The following ALOX5AP variants were observed in gnomAD, a reference collection of about 807,000 sequenced individuals.
ALOX5AP encodes arachidonate 5-lipoxygenase activating protein, also known as arachidonate 5-lipoxygenase-activating protein.
In ALOX5AP, 9 loss-of-function variants were observed where a neutral mutation model predicts 18.5. That is an observed-to-expected ratio of 0.49 (90% CI 0.29 to 0.85). The LOEUF (loss-of-function observed/expected upper bound fraction) is 0.85, where lower values mean the gene tolerates loss of function less well. ALOX5AP is among the 40% of genes least tolerant of loss of function. ALOX5AP has a pLI of 0.08. For synonymous variants in ALOX5AP, 81 were observed against 78.6 expected, an observed-to-expected ratio of 1.03 and a Z score of -0.16; for missense variants, 172 against 202.5, an observed-to-expected ratio of 0.85 and a Z score of 0.91.
intron 1 of ALOX5AP, among the ~76,000 whole-genome samples, chr13:30,716,985 C>T (rs1235612201): frequency 6.6e-6 from 1 of 152,194 alleles, no homozygotes; most frequent in African/African-American, 2.4e-5. Context: ...GGAGTGTTCC[C>T]CACCAGGGAA....
intron 1 of ALOX5AP, 145 bp downstream of exon 1, chr13:30,735,820 A>T: frequency 6.7e-6 from 7 of 1,039,848 alleles, no homozygotes; most frequent in Non-Finnish European, 9.6e-6. Flanking sequence ...TTTTATTTGA[A>T]TGTATAGGGT....
intron 4 of ALOX5AP, among the ~76,000 whole-genome samples, chr13:30,756,844 G>T (rs9315049): frequency 0.3 from 41,564 of 138,622 alleles, 7,886 homozygotes; most frequent in Non-Finnish European, 0.42. Flanking sequence ...AAAAAAAGAT[G>T]CAGACACGAG....
chr13:30,736,282 AAGAG>A (rs149655927), intron 1 of ALOX5AP, among the ~76,000 whole-genome samples: 13 of 149,022 alleles, frequency 8.7e-5, no homozygotes, highest in East Asian at 1.9e-4. Flanking sequence ...ATACTTCAGA[AAGAG>A]AGAGAGAGAG....
At chr13:30,724,306 G>A (rs1951619762) in intron 1 of ALOX5AP, among the ~76,000 whole-genome samples, 1 of 152,184 alleles carries the variant, frequency 6.6e-6, no homozygotes, top group Non-Finnish European at 1.5e-5. Context: ...TCCATTATAA[G>A]AATATACCAC....
chr13:30,762,746 T>C (rs1951952512), intron 4 of ALOX5AP, among the ~76,000 whole-genome samples: 1 of 152,180 alleles, frequency 6.6e-6, no homozygotes, highest in South Asian at 2.1e-4. Flanking sequence ...CGAAGTTAGC[T>C]GTTGGGCTGA....
Position 30,735,591 on chromosome 13 carries a change from G to C in ALOX5AP, c.-15G>C. The stretch of plus-strand genomic sequence containing the variant: ...TGGAGGCAGAGCAGTCCTCTCTGGG[G>C]AGCCTGAAGCAAACATGGATCAAGA... On this transcript the variant is annotated 5_prime_UTR_variant, in exon 1 of 5. Coordinates refer to ENST00000380490, the MANE Select transcript of ALOX5AP (RefSeq NM_001629.4). 6.2e-7 allele frequency: 1 copy of C among 1,614,144 alleles called. No individual in the cohort carries two copies. The highest frequency in any genetic ancestry group is 8.5e-7 in the Non-Finnish European group (1 of 1,180,014).
At chr13:30,747,829 A>G (rs1951821116) in intron 2 of ALOX5AP, among the ~76,000 whole-genome samples, 1 of 152,168 alleles carries the variant, frequency 6.6e-6, no homozygotes, top group Non-Finnish European at 1.5e-5. Flanking sequence ...AGAGTGTATC[A>G]AAACATGTTT....
upstream of ALOX5AP, among the ~76,000 whole-genome samples, chr13:30,732,926 C>T (rs1164657672): frequency 2.0e-5 from 3 of 151,830 alleles, no homozygotes; most frequent in Non-Finnish European, 2.9e-5. Flanking sequence ...GAGGCCGAGG[C>T]GGGCAGATCA....
intron 1 of ALOX5AP, among the ~76,000 whole-genome samples, chr13:30,723,266 G>T (rs562575522): frequency 1.4e-4 from 22 of 152,336 alleles, no homozygotes; most frequent in African/African-American, 5.1e-4. Context: ...CTAATGTGTT[G>T]ATGATTTTTG....
intron 1 of ALOX5AP, 69 bp downstream of exon 1, chr13:30,735,744 G>A: frequency 6.4e-7 from 1 of 1,567,374 alleles, no homozygotes; most frequent in Non-Finnish European, 8.8e-7. Context: ...TTGGAAGTCA[G>A]GCTTAAACAA....
chr13:30,721,238 C>T (rs969092979), intron 1 of ALOX5AP, among the ~76,000 whole-genome samples: 14 of 152,254 alleles, frequency 9.2e-5, no homozygotes, highest in African/African-American at 2.9e-4. Context: ...TGTCTCAATC[C>T]AACTGTCAAA....
chr13:30,739,980 C>T (rs1284278597), intron 1 of ALOX5AP, among the ~76,000 whole-genome samples: 4 of 152,222 alleles, frequency 2.6e-5, no homozygotes, highest in Non-Finnish European at 4.4e-5. Context: ...AGTCCTGGTG[C>T]TGTTCCCTAA....
chr13:30,758,880 T>A (rs1236234374), intron 4 of ALOX5AP, among the ~76,000 whole-genome samples: 3 of 151,992 alleles, frequency 2.0e-5, no homozygotes, highest in African/African-American at 2.4e-5. Flanking sequence ...AGTGGCCTGA[T>A]CTTGGCTCAC....
At chr13:30,757,627 C>G (rs925480976) in intron 4 of ALOX5AP, among the ~76,000 whole-genome samples, 1 of 152,096 alleles carries the variant, frequency 6.6e-6, no homozygotes, top group African/African-American at 2.4e-5. Flanking sequence ...TATCTTACCC[C>G]CTGCAAAGTC....
chr13:30,713,899 A>G, intron 1 of ALOX5AP: 5 of 1,515,170 alleles, frequency 3.3e-6, no homozygotes, highest in Non-Finnish European at 4.4e-6. Context: ...CATGCCTCCT[A>G]CAAATTTGAC....
chr13:30,764,076 C>G lies in ALOX5AP; in HGVS notation c.456C>G (p.Thr152=). Residue 152 remains threonine, a synonymous_variant, in exon 5 of 5, where the codon ACC becomes ACG. Transcript: ENST00000380490. The part of the protein sequence containing the change: ...DFENYIKTIS[T]TISPLLLIP Reference sequence around the variant, plus strand: ...AAAACTACATAAAGACGATCTCCACCACCATCTCCCCTCTACTTCTCATTC... The same window carrying G: ...AAAACTACATAAAGACGATCTCCACGACCATCTCCCCTCTACTTCTCATTC... 6.2e-7 allele frequency: 1 copy of G among 1,614,184 alleles called. No individual in the cohort carries two copies. The highest frequency in any genetic ancestry group is 1.1e-5 in the South Asian group (1 of 91,076).
intron 1 of ALOX5AP, among the ~76,000 whole-genome samples, chr13:30,741,753 AGTT>A (rs1177502413): frequency 1.3e-5 from 2 of 151,322 alleles, no homozygotes; most frequent in African/African-American, 4.9e-5. Context: ...CTATGTAAAC[AGTT>A]GTTATACTGT....
intron 1 of ALOX5AP, among the ~76,000 whole-genome samples, chr13:30,730,509 G>A (rs1482451408): frequency 6.6e-6 from 1 of 152,194 alleles, no homozygotes. Flanking sequence ...CCAGCCTGTA[G>A]ACCTGGGCTG....
intron 1 of ALOX5AP, among the ~76,000 whole-genome samples, chr13:30,739,534 A>G: frequency 6.6e-6 from 1 of 152,208 alleles, no homozygotes; most frequent in East Asian, 1.9e-4. Flanking sequence ...TCCCAGGCTC[A>G]AGTGATTCTC....
Sources: gnomAD v4.1 joint callset for allele counts (sites outside exome capture counted in the v4.1 genomes callset) on GRCh38, gnomAD v4.1.1 for gene constraint, MANE v1.5 for transcripts, NCBI Gene and HGNC (gene_info 2026-07-23, HGNC 2026-07-21) for gene names.